Variants in ARHGEF7 observed in about 807,000 individuals in gnomAD.
ARHGEF7 encodes the protein Rho guanine nucleotide exchange factor 7.
In ARHGEF7, 33 loss-of-function variants were observed where a neutral mutation model predicts 109.8. The ratio of observed to expected loss-of-function variants is 0.30; its 90% CI spans 0.23 to 0.40. The LOEUF (loss-of-function observed/expected upper bound fraction) is 0.40. ARHGEF7 is among the 10% of genes least tolerant of loss of function. ARHGEF7 has a pLI of 1.00. For missense variants in ARHGEF7, 938 were observed against 1,098.5 expected (o/e 0.85, Z 2.07); for synonymous variants, 458 against 424.6 (o/e 1.08, Z -0.97).
intron 15 of ARHGEF7, chr13:111,282,830 A>C: frequency 2.2e-6 from 1 of 465,080 alleles, no homozygotes; most frequent in Non-Finnish European, 3.8e-6. Flanking sequence ...TTTTTCTATA[A>C]ATGTTACTCC....
intron 12 of ARHGEF7, chr13:111,275,948 G>A (rs1015331396): frequency 1.4e-5 from 6 of 429,342 alleles, no homozygotes; most frequent in Non-Finnish European, 2.2e-5. Context: ...ATAGTGTGCA[G>A]AAAGACTTGC....
intron 19 of ARHGEF7, among the ~76,000 whole-genome samples, chr13:111,297,662 C>G (rs1484729269): frequency 2.6e-5 from 4 of 152,226 alleles, no homozygotes; most frequent in Non-Finnish European, 5.9e-5. Flanking sequence ...CCCAGGTTAA[C>G]TGAAAAGACT....
At chr13:111,140,323 T>C (rs916378408) in intron 1 of ARHGEF7, among the ~76,000 whole-genome samples, 20 of 152,190 alleles carry the variant, frequency 1.3e-4, no homozygotes, top group African/African-American at 4.1e-4. Context: ...ACCAGTGATA[T>C]GTGTCATGGA....
At chr13:111,162,084 A>G (rs1030100458) in intron 2 of ARHGEF7, among the ~76,000 whole-genome samples, 8 of 152,214 alleles carry the variant, frequency 5.3e-5, no homozygotes, top group African/African-American at 1.4e-4. Flanking sequence ...AAGGCTTTGA[A>G]CACCTGCTAC....
At chr13:111,161,007 C>G (rs2076699740) in intron 2 of ARHGEF7, among the ~76,000 whole-genome samples, 1 of 152,208 alleles carries the variant, frequency 6.6e-6, no homozygotes, top group African/African-American at 2.4e-5. Flanking sequence ...GCTCCAAAAT[C>G]TGAAATTCTT....
rs978359346 is a variant in ARHGEF7 at position 111,305,256 on chromosome 13, A to C, written c.*2143A>C. On this transcript the variant is annotated 3_prime_UTR_variant, in exon 22 of 22. Transcript: ENST00000646102. ...AGCAGGAAAAATGCGTCTGAGAGCA[A>C]CTCTTTTTAAAAACCTGCCCTGTTG... 1 of 151,836 alleles carries C rather than the reference A, an allele frequency of 6.6e-6. No homozygotes were observed. The allele number at this position is 151,836 out of a possible 1,614,324, so 9.4% of individuals were successfully genotyped here. A position where few individuals can be genotyped will look rare whatever the true frequency, so the allele number is the denominator to read the frequency against.
chr13:111,131,356 G>A lies in ARHGEF7; in HGVS notation c.165+15665G>A, dbSNP rs963051309. Among the ~76,000 whole-genome samples the A allele has an allele frequency of 6.6e-6, 1 of 152,110 alleles. No individual in the cohort carries two copies. Among genetic ancestry groups the A allele is most frequent in the East Asian group, 1.9e-4 (1 of 5,148 alleles). The stretch of plus-strand genomic sequence containing the variant: ...AGATGGGGCGGTCGCCTGTGCTGGA[G>A]CCCTGGGCGAGGCTTACCTAGGTTT... On this transcript the variant is annotated intron_variant, in intron 1 of 21. Coordinates refer to ENST00000646102, the MANE Select transcript of ARHGEF7 (RefSeq NM_001354046.2). The surrounding 1 kb of genome is among the most constrained non-coding windows in gnomAD (Gnocchi z 4.4).
At chr13:111,150,547 C>T (rs2075837199) in intron 1 of ARHGEF7, among the ~76,000 whole-genome samples, 1 of 152,194 alleles carries the variant, frequency 6.6e-6, no homozygotes, top group Non-Finnish European at 1.5e-5. Flanking sequence ...ACCTTCAAAG[C>T]CTTGAAAAGT....
At chr13:111,286,392 T>G in intron 17 of ARHGEF7, 152 bp downstream of exon 17, 1 of 657,816 alleles carries the variant, frequency 1.5e-6, no homozygotes, top group Admixed American at 2.6e-5. Flanking sequence ...ATAAGCCACG[T>G]AACATTTACC....
At position 111,287,419 on chromosome 13, in the gene ARHGEF7, C is replaced by T. The variant is rs116644767; in HGVS notation, c.2045-935C>T. 7.1e-3 allele frequency among the ~76,000 whole-genome samples: 1,074 copies of T among 152,336 alleles called. 12 individuals are homozygous for T. Among genetic ancestry groups the T allele is most frequent in the African/African-American group, 0.025 (1,039 of 41,578 alleles). ...GGGGGCCGGCTGCAGCTGAGACCAT[C>T]GTTCATGGACGCGTGCTTCATCAGC... On this transcript the variant is annotated intron_variant, in intron 17 of 21. Transcript: ENST00000646102.
At position 111,239,778 on chromosome 13, in the gene ARHGEF7, G is replaced by A. The variant is rs551196734; in HGVS notation, c.760-4094G>A. 1.3e-5 allele frequency among the ~76,000 whole-genome samples: 2 copies of A among 152,154 alleles called. No individual in the cohort carries two copies. The highest frequency in any genetic ancestry group is 4.2e-4 in the South Asian group (2 of 4,810). ...TTGTTTTTCATGGGATTTCCTTGCT[G>A]TATCTGGACTAAGATGATACAGATG... On this transcript the variant is annotated intron_variant, in intron 6 of 21. Transcript: ENST00000646102. This position sits in a 1 kb window ranked among gnomAD's most constrained non-coding sequence, Gnocchi z 4.3.
chr13:111,280,123 C>T (rs2092702919), intron 13 of ARHGEF7, 149 bp from the exon 14 acceptor site: 1 of 736,828 alleles, frequency 1.4e-6, no homozygotes, highest in Non-Finnish European at 2.2e-6. Context: ...TTGTATTATA[C>T]ACACATCTGC....
chr13:111,293,762 T>G (rs557488130), intron 19 of ARHGEF7: 4 of 985,422 alleles, frequency 4.1e-6, no homozygotes, highest in Admixed American at 6.1e-5. Flanking sequence ...TGGCCGTGAT[T>G]TCTTTCTTCC....
chr13:111,298,633 A>G (rs749008472), intron 19 of ARHGEF7, among the ~76,000 whole-genome samples: 1 of 152,200 alleles, frequency 6.6e-6, no homozygotes, highest in Non-Finnish European at 1.5e-5. Context: ...GTTTTTCTGA[A>G]ATCATATCTT....
chr13:111,296,599 G>A (rs1296544396), intron 19 of ARHGEF7, among the ~76,000 whole-genome samples: 1 of 152,174 alleles, frequency 6.6e-6, no homozygotes, highest in East Asian at 1.9e-4. Context: ...CAGCTGTTTT[G>A]TGTATGTGGT....
intron 5 of ARHGEF7, among the ~76,000 whole-genome samples, chr13:111,226,794 A>G (rs952873351): frequency 6.6e-6 from 1 of 152,242 alleles, no homozygotes; most frequent in Non-Finnish European, 1.5e-5. Context: ...GTAAGGCCAT[A>G]AATAGTGGTT....
At chr13:111,187,444 C>T (rs2079384226) in intron 2 of ARHGEF7, among the ~76,000 whole-genome samples, 1 of 152,214 alleles carries the variant, frequency 6.6e-6, no homozygotes, top group African/African-American at 2.4e-5. Context: ...CCTTCCGGTT[C>T]TGAGCTTGTG....
chr13:111,175,397 T>C (rs919388974), intron 2 of ARHGEF7, among the ~76,000 whole-genome samples: 3 of 152,146 alleles, frequency 2.0e-5, no homozygotes, highest in Non-Finnish European at 4.4e-5. Flanking sequence ...GGCTGCCCTG[T>C]GAGACTCAAA....
chr13:111,271,636 G>A (rs1050866869), intron 9 of ARHGEF7, among the ~76,000 whole-genome samples: 12 of 152,166 alleles, frequency 7.9e-5, no homozygotes, highest in African/African-American at 1.2e-4. Flanking sequence ...GCTCTCGTGC[G>A]TGCGTGCTCT....
Sources: gnomAD v4.1 joint callset for allele counts (sites outside exome capture counted in the v4.1 genomes callset) on GRCh38, gnomAD v4.1.1 for gene constraint, Gnocchi (gnomAD v3.1) non-coding constraint, MANE v1.5 for transcripts, NCBI Gene and HGNC (gene_info 2026-07-23, HGNC 2026-07-21) for gene names.